FBXL7: variants seen among roughly 807,000 people sequenced by gnomAD.
FBXL7 encodes the protein F-box/LRR-repeat protein 7.
FBXL7 carries 12 observed loss-of-function variants against 38.3 expected under a neutral mutation model. The ratio of observed to expected loss-of-function variants is 0.31; its 90% CI spans 0.20 to 0.51. The LOEUF (loss-of-function observed/expected upper bound fraction) is 0.51, where lower values mean the gene tolerates loss of function less well. Among genes scored for constraint, FBXL7 ranks in the 20% least tolerant of loss-of-function variants. FBXL7 has a pLI of 0.98. For missense variants in FBXL7, 567 were observed against 676.4 expected (o/e 0.84, Z 1.79); for synonymous variants, 297 against 300.9 (o/e 0.99, Z 0.13).
chr5:15,656,276 G>T (rs1248262888), intron 2 of FBXL7, among the ~76,000 whole-genome samples: 3 of 152,180 alleles, frequency 2.0e-5, no homozygotes, highest in Admixed American at 2.0e-4. Flanking sequence ...AGTAATTTAT[G>T]AACATGTCAG....
At chr5:15,580,315 C>A (rs1739096576) in intron 1 of FBXL7, among the ~76,000 whole-genome samples, 1 of 152,088 alleles carries the variant, frequency 6.6e-6, no homozygotes, top group South Asian at 2.1e-4. Flanking sequence ...GTTGTTTAAG[C>A]CCCCCAGTCT....
chr5:15,569,658 T>G (rs1457011179), intron 1 of FBXL7, among the ~76,000 whole-genome samples: 2 of 152,034 alleles, frequency 1.3e-5, no homozygotes, highest in African/African-American at 4.8e-5. Context: ...AGGGCATCCC[T>G]GTCTTGTGCC....
chr5:15,836,316 C>T (rs1027493709), intron 2 of FBXL7, among the ~76,000 whole-genome samples: 14 of 151,788 alleles, frequency 9.2e-5, no homozygotes, highest in Admixed American at 6.6e-5. Flanking sequence ...CGAAGGAAGA[C>T]GGACAATAAG....
At chr5:15,926,833 C>CT (rs1156827362) in intron 2 of FBXL7, among the ~76,000 whole-genome samples, 1 of 151,992 alleles carries the variant, frequency 6.6e-6, no homozygotes, top group African/African-American at 2.4e-5. Flanking sequence ...GTCTGGGGCA[C>CT]TGTTTTCAAC....
At chr5:15,540,386 G>A (rs1179823238) in intron 1 of FBXL7, among the ~76,000 whole-genome samples, 1 of 152,088 alleles carries the variant, frequency 6.6e-6, no homozygotes, top group Non-Finnish European at 1.5e-5. Context: ...TGTCTTTTTA[G>A]ATTTAAAATC....
At position 15,834,240 on chromosome 5, in the gene FBXL7, C is replaced by T. The variant is rs780104010; in HGVS notation, c.128-93650C>T. ...AAGGGCTGTACGCTTATCTAGGGAA[C>T]GTAACTTTGTTTTAATCACCAATTA... On this transcript the variant is annotated intron_variant, in intron 2 of 3. Coordinates refer to ENST00000504595, the MANE Select transcript of FBXL7 (RefSeq NM_012304.5). Among the ~76,000 whole-genome samples the T allele has an allele frequency of 2.6e-4, 39 of 152,242 alleles. 1 individual carries two copies. Among genetic ancestry groups the T allele is most frequent in the Admixed American group, 6.5e-4 (10 of 15,294 alleles).
At chr5:15,856,863 A>G (rs902422934) in intron 2 of FBXL7, among the ~76,000 whole-genome samples, 19 of 152,150 alleles carry the variant, frequency 1.2e-4, no homozygotes, top group Non-Finnish European at 2.8e-4. Flanking sequence ...AAGTAGCATT[A>G]TCTGTCATAG....
rs564785501 is a variant in FBXL7, at chr5:15,771,038, A to G, written c.127+154966A>G. On this transcript the variant is annotated intron_variant, in intron 2 of 3. Coordinates refer to ENST00000504595, the MANE Select transcript of FBXL7 (RefSeq NM_012304.5). ...ATCTCCAATGCGCTTTGCTCATCCCATCCTCCTGTTAGAGTTAGAACTAGC... is the reference window on the plus strand; with the variant it reads ...ATCTCCAATGCGCTTTGCTCATCCCGTCCTCCTGTTAGAGTTAGAACTAGC... Among the ~76,000 whole-genome samples, 5 of 152,260 alleles carry G rather than the reference A, an allele frequency of 3.3e-5. No individual in the cohort carries two copies. The South Asian group carries it at 8.3e-4, about 25-fold the overall frequency.
At chr5:15,651,420 A>G (rs982629478) in intron 2 of FBXL7, among the ~76,000 whole-genome samples, 12 of 152,134 alleles carry the variant, frequency 7.9e-5, no homozygotes, top group Admixed American at 6.6e-5. Context: ...AAGAATTGAA[A>G]GTCAAAATTA....
chr5:15,675,496 A>T (rs1008820869), intron 2 of FBXL7, among the ~76,000 whole-genome samples: 3 of 152,234 alleles, frequency 2.0e-5, no homozygotes, highest in African/African-American at 7.2e-5. Context: ...CAATGAGCTT[A>T]CATAAGTCTC....
At chr5:15,594,736 C>A (rs1294004795) in intron 1 of FBXL7, among the ~76,000 whole-genome samples, 1 of 152,222 alleles carries the variant, frequency 6.6e-6, no homozygotes, top group African/African-American at 2.4e-5. Flanking sequence ...TTGCGTATAA[C>A]CTGTACCAGT....
At chr5:15,717,397 C>A (rs369010619) in intron 2 of FBXL7, among the ~76,000 whole-genome samples, 2 of 152,146 alleles carry the variant, frequency 1.3e-5, no homozygotes, top group Non-Finnish European at 2.9e-5. Flanking sequence ...CAAAACAATT[C>A]GAAAGATGTT....
intron 2 of FBXL7, among the ~76,000 whole-genome samples, chr5:15,772,303 TGGAAAC>T (rs1736749969): frequency 1.3e-5 from 2 of 152,190 alleles, no homozygotes; most frequent in African/African-American, 4.8e-5. Flanking sequence ...CTCATGTTCC[TGGAAAC>T]TGAACTGTGG....
At chr5:15,914,758 C>G (rs1003930976) in intron 2 of FBXL7, among the ~76,000 whole-genome samples, 1 of 152,116 alleles carries the variant, frequency 6.6e-6, no homozygotes, top group Non-Finnish European at 1.5e-5. Context: ...TGTGGTAGGA[C>G]CGAGCGAGCA....
intron 2 of FBXL7, among the ~76,000 whole-genome samples, chr5:15,845,412 TA>T (rs1738866485): frequency 1.3e-5 from 2 of 152,208 alleles, no homozygotes; most frequent in South Asian, 4.2e-4. Flanking sequence ...CTTTACATAC[TA>T]ACCAACCCCT....
intron 2 of FBXL7, among the ~76,000 whole-genome samples, chr5:15,791,087 T>C (rs907069225): frequency 1.4e-5 from 2 of 143,340 alleles, no homozygotes; most frequent in African/African-American, 5.0e-5. Context: ...GGGGGGGTTA[T>C]TGCATGTATC....
At chr5:15,641,926 A>C (rs1174274382) in intron 2 of FBXL7, among the ~76,000 whole-genome samples, 1 of 145,844 alleles carries the variant, frequency 6.9e-6, no homozygotes, top group Non-Finnish European at 1.5e-5. Flanking sequence ...GTATATGGTA[A>C]CTTAACATAA....
chr5:15,661,674 AT>A (rs1297205330), intron 2 of FBXL7, among the ~76,000 whole-genome samples: 1 of 152,108 alleles, frequency 6.6e-6, no homozygotes, highest in African/African-American at 2.4e-5. Flanking sequence ...CAGTAGTTAT[AT>A]TTTCTGCTCC....
intron 2 of FBXL7, among the ~76,000 whole-genome samples, chr5:15,888,340 G>A (rs368699331): frequency 1.3e-3 from 202 of 151,972 alleles, no homozygotes; most frequent in African/African-American, 4.0e-3. Context: ...CGATTCTCCC[G>A]CCTCAGCCTC....
Sources: gnomAD v4.1 joint callset for allele counts (sites outside exome capture counted in the v4.1 genomes callset) on GRCh38, gnomAD v4.1.1 for gene constraint, MANE v1.5 for transcripts, NCBI Gene and HGNC (gene_info 2026-07-23, HGNC 2026-07-21) for gene names.